CWC27: variants seen among roughly 807,000 people sequenced by gnomAD.
CWC27 encodes spliceosome-associated protein CWC27 homolog.
CWC27 carries 47 observed loss-of-function variants against 63.6 expected under a neutral mutation model. That is an observed-to-expected ratio of 0.74 (90% CI 0.58 to 0.94). The LOEUF is 0.94. Among genes scored for constraint, CWC27 ranks in the 40% least tolerant of loss-of-function variants. CWC27 has a pLI of 0.00. For synonymous variants in CWC27, 175 were observed against 179.8 expected (o/e 0.97, Z 0.22); for missense variants, 495 against 554.3 (o/e 0.89, Z 1.07).
At chr5:64,820,909 A>T (rs1265449872) in intron 10 of CWC27, among the ~76,000 whole-genome samples, 1 of 152,008 alleles carries the variant, frequency 6.6e-6, no homozygotes, top group African/African-American at 2.4e-5. Flanking sequence ...AAAAATGATG[A>T]AGTAAACTTT....
At chr5:64,828,065 G>T (rs1321408440) in intron 10 of CWC27, among the ~76,000 whole-genome samples, 2 of 152,106 alleles carry the variant, frequency 1.3e-5, no homozygotes, top group Admixed American at 1.3e-4. Flanking sequence ...TCCACTGGGA[G>T]TCTTGGAATG....
intron 10 of CWC27, among the ~76,000 whole-genome samples, chr5:64,840,381 AAAAAAAAAAAAAAATATATATATATAT>A (rs1561430246): frequency 7.0e-5 from 5 of 71,098 alleles, no homozygotes; most frequent in African/African-American, 2.6e-4. Context: ...AAAAAAAAAA[AAAAAAAAAAAAAAATATATATATATAT>A]ATATATATAT....
intron 11 of CWC27, among the ~76,000 whole-genome samples, chr5:64,928,963 T>C (rs1748176428): frequency 6.6e-6 from 1 of 151,208 alleles, no homozygotes; most frequent in Non-Finnish European, 1.5e-5. Flanking sequence ...GTAGGCTTTG[T>C]CTTTTTTTTT....
intron 9 of CWC27, among the ~76,000 whole-genome samples, chr5:64,803,907 T>G (rs1301330125): frequency 6.6e-6 from 1 of 151,918 alleles, no homozygotes; most frequent in Non-Finnish European, 1.5e-5. Context: ...CATTTCCCAC[T>G]GAGATAAGAA....
chr5:64,918,831 C>G (rs541279988), intron 11 of CWC27, among the ~76,000 whole-genome samples: 3 of 152,224 alleles, frequency 2.0e-5, no homozygotes, highest in East Asian at 3.9e-4. Flanking sequence ...GGAACATCTA[C>G]CAGAGTCCTG....
Position 65,015,406 on chromosome 5 carries a change from C to A in CWC27, c.1257-2753C>A, listed in dbSNP as rs149042912. Among the ~76,000 whole-genome samples, 685 of 152,210 alleles carry A rather than the reference C, an allele frequency of 4.5e-3. 7 individuals carry two copies. The highest frequency in any genetic ancestry group is 0.023 in the East Asian group (118 of 5,186). On this transcript the variant is annotated intron_variant, in intron 13 of 13. Transcript: ENST00000381070. ...AGTAAGTTTGTTTTCTCATATCAAT[C>A]CAGGAGTATTGATGAAAGTGTTTTA... is the stretch of plus-strand genomic sequence containing the variant.
At chr5:64,958,550 A>G (rs1384945246) in intron 11 of CWC27, among the ~76,000 whole-genome samples, 1 of 152,204 alleles carries the variant, frequency 6.6e-6, no homozygotes, top group East Asian at 1.9e-4. Context: ...AAACTCCTAG[A>G]TATGAACTCA....
At chr5:64,991,373 G>T (rs534716944) in intron 13 of CWC27, among the ~76,000 whole-genome samples, 1 of 151,954 alleles carries the variant, frequency 6.6e-6, no homozygotes, top group African/African-American at 2.4e-5. Flanking sequence ...AGAGGTTTCT[G>T]AATTCTGCTA....
chr5:64,851,796 A>T (rs1746139243), intron 10 of CWC27, among the ~76,000 whole-genome samples: 1 of 152,228 alleles, frequency 6.6e-6, no homozygotes, highest in African/African-American at 2.4e-5. Flanking sequence ...ACTCATTTTA[A>T]TTCAAGATGT....
At chr5:64,828,168 T>C (rs1206918221) in intron 10 of CWC27, among the ~76,000 whole-genome samples, 1 of 151,770 alleles carries the variant, frequency 6.6e-6, no homozygotes, top group Non-Finnish European at 1.5e-5. Flanking sequence ...CATTTTACTA[T>C]GTGACATTTT....
intron 11 of CWC27, among the ~76,000 whole-genome samples, chr5:64,888,729 A>G (rs1274054096): frequency 6.6e-6 from 1 of 152,016 alleles, no homozygotes; most frequent in Non-Finnish European, 1.5e-5. Flanking sequence ...AGAACACCAC[A>G]GTAAATAACT....
At chr5:64,879,744 A>G (rs2112335905) in intron 10 of CWC27, among the ~76,000 whole-genome samples, 1 of 151,738 alleles carries the variant, frequency 6.6e-6, no homozygotes, top group Non-Finnish European at 1.5e-5. Flanking sequence ...AAATGGGTGG[A>G]TAGTGGGTTA....
chr5:65,010,244 G>A (rs1749923165), intron 13 of CWC27, among the ~76,000 whole-genome samples: 1 of 152,172 alleles, frequency 6.6e-6, no homozygotes, highest in South Asian at 2.1e-4. Flanking sequence ...AGGCGGAAGG[G>A]CGTCCCAGAG....
At chr5:64,825,480 GT>G (rs1168246150) in intron 10 of CWC27, among the ~76,000 whole-genome samples, 1 of 152,144 alleles carries the variant, frequency 6.6e-6, no homozygotes, top group Non-Finnish European at 1.5e-5. Flanking sequence ...TACATGATCT[GT>G]ATTAGTATGG....
intron 11 of CWC27, among the ~76,000 whole-genome samples, chr5:64,956,098 C>T (rs776457462): frequency 1.3e-5 from 2 of 152,128 alleles, no homozygotes; most frequent in African/African-American, 2.4e-5. Context: ...TTCTTAGACA[C>T]GAGTCCAAAC....
chr5:64,885,698 G>GGTGGGTGTGTGTGT (rs1554074481), intron 11 of CWC27, 152 bp downstream of exon 11: 3 of 261,442 alleles, frequency 1.1e-5, no homozygotes, highest in Non-Finnish European at 2.1e-5. Flanking sequence ...CTTGAGTTAG[G>GGTGGGTGTGTGTGT]GTGTGTGTGT....
At chr5:65,016,074 T>A (rs1019358410) in intron 13 of CWC27, among the ~76,000 whole-genome samples, 5 of 152,198 alleles carry the variant, frequency 3.3e-5, no homozygotes, top group Non-Finnish European at 5.9e-5. Context: ...TCCAACTGGT[T>A]CTAGTGGTTT....
chr5:64,852,103 A>G (rs1388591225), intron 10 of CWC27, among the ~76,000 whole-genome samples: 1 of 152,216 alleles, frequency 6.6e-6, no homozygotes, highest in Non-Finnish European at 1.5e-5. Flanking sequence ...ATAATCTTCT[A>G]CTAGTATTAA....
intron 11 of CWC27, among the ~76,000 whole-genome samples, chr5:64,910,421 G>A (rs1747759552): frequency 6.6e-6 from 1 of 152,190 alleles, no homozygotes; most frequent in African/African-American, 2.4e-5. Flanking sequence ...CCCACTTAAG[G>A]AGGCAGTCTG....
Sources: gnomAD v4.1 joint callset for allele counts (sites outside exome capture counted in the v4.1 genomes callset) on GRCh38, gnomAD v4.1.1 for gene constraint, MANE v1.5 for transcripts, NCBI Gene and HGNC (gene_info 2026-07-23, HGNC 2026-07-21) for gene names.